PTPRM: variants seen among roughly 807,000 people sequenced by gnomAD.
PTPRM encodes the protein protein tyrosine phosphatase receptor type M.
Under a neutral mutation model 186.7 loss-of-function variants are expected in PTPRM, and 47 were observed. The observed-to-expected ratio is 0.25, with a 90% CI of 0.20 to 0.32. The LOEUF (loss-of-function observed/expected upper bound fraction) is 0.32. PTPRM is among the 10% of genes least tolerant of loss of function. The pLI is 1.00. For synonymous variants in PTPRM, 668 were observed against 674.9 expected (o/e 0.99, Z 0.16); for missense variants, 1,494 against 1,865.0 (o/e 0.80, Z 3.66).
chr18:8,200,550 G>A (rs2093841248), intron 14 of PTPRM, among the ~76,000 whole-genome samples: 1 of 152,192 alleles, frequency 6.6e-6, no homozygotes, highest in African/African-American at 2.4e-5. Context: ...CTCTGTTCTG[G>A]GGAACTGAAC....
At chr18:7,669,325 A>G (rs982140838) in intron 1 of PTPRM, among the ~76,000 whole-genome samples, 2 of 150,928 alleles carry the variant, frequency 1.3e-5, no homozygotes, top group African/African-American at 4.9e-5. Context: ...TACGAGAGCC[A>G]CACATGTGGC....
Position 8,244,176 on chromosome 18 carries a change from TCATTCATGG to T in PTPRM, c.2420_2428del (p.Ser807_Asp810delinsTyr). 6.3e-7 allele frequency: 1 copy of T among 1,594,696 alleles called. No individual in the cohort carries two copies. Among genetic ancestry groups the T allele is most frequent in the South Asian group, 1.2e-5 (1 of 86,570 alleles). On this transcript the variant is annotated inframe_deletion, in exon 15 of 33. Coordinates refer to ENST00000580170, the MANE Select transcript of PTPRM (RefSeq NM_001105244.2). Reference sequence around the variant, plus strand: ...GGGCACAAACTGCGACGAGGCTTTCTCATTCATGGACACGCACAATCTGAATGGGAGATG... The same window carrying T: ...GGGCACAAACTGCGACGAGGCTTTCTACACGCACAATCTGAATGGGAGATG...
chr18:8,377,464 C>G (rs2095703770), intron 26 of PTPRM: 1 of 152,088 alleles, frequency 6.6e-6, no homozygotes. Context: ...TATAGTCAAT[C>G]AAATGTTGCC....
intron 2 of PTPRM, among the ~76,000 whole-genome samples, chr18:7,799,080 T>C (rs1255000779): frequency 6.6e-6 from 1 of 152,326 alleles, no homozygotes; most frequent in African/African-American, 2.4e-5. Context: ...TACCCAAGAC[T>C]GAGTAATTTA....
At chr18:7,852,556 C>T (rs1052984168) in intron 2 of PTPRM, among the ~76,000 whole-genome samples, 1 of 151,910 alleles carries the variant, frequency 6.6e-6, no homozygotes, top group Non-Finnish European at 1.5e-5. Flanking sequence ...GGCATAGTGG[C>T]GGGCGCCTGT....
At chr18:8,227,837 A>G (rs1415935611) in intron 14 of PTPRM, among the ~76,000 whole-genome samples, 6 of 152,204 alleles carry the variant, frequency 3.9e-5, no homozygotes, top group African/African-American at 1.4e-4. Context: ...AGCATAAGCC[A>G]GCTGTGAGTG....
At chr18:8,044,644 C>G (rs761882086) in intron 7 of PTPRM, among the ~76,000 whole-genome samples, 27 of 151,122 alleles carry the variant, frequency 1.8e-4, no homozygotes, top group South Asian at 8.4e-4. Context: ...GTAATCCCAG[C>G]TAATCGGGAG....
intron 23 of PTPRM, among the ~76,000 whole-genome samples, chr18:8,357,259 G>C (rs1057223172): frequency 6.6e-6 from 1 of 152,226 alleles, no homozygotes; most frequent in African/African-American, 2.4e-5. Context: ...GACAAATTCT[G>C]TCAGTGATCC....
At chr18:8,366,095 C>T (rs1034566453) in intron 23 of PTPRM, among the ~76,000 whole-genome samples, 2 of 152,170 alleles carry the variant, frequency 1.3e-5, no homozygotes, top group African/African-American at 4.8e-5. Context: ...CTCCCTCCCC[C>T]CAGCTAAGTG....
At chr18:8,088,662 TA>T (rs2090556162) in intron 10 of PTPRM, 86 bp from the exon 11 acceptor site, 4 of 1,102,086 alleles carry the variant, frequency 3.6e-6, no homozygotes, top group Non-Finnish European at 5.6e-6. Context: ...ACTGTGTTCT[TA>T]ATGCTCTTTG....
intron 14 of PTPRM, among the ~76,000 whole-genome samples, chr18:8,239,693 TG>T (rs1217903249): frequency 2.0e-5 from 3 of 152,216 alleles, no homozygotes; most frequent in African/African-American, 7.2e-5. Context: ...TGGTTTGCCC[TG>T]TAGCCTCAGT....
chr18:8,107,707 A>G (rs1054017691), intron 11 of PTPRM, among the ~76,000 whole-genome samples: 2 of 152,236 alleles, frequency 1.3e-5, no homozygotes, highest in East Asian at 1.9e-4. Context: ...CAGGACAAAG[A>G]GAAATTAAAG....
Position 7,665,422 on chromosome 18 carries a change from C to T in PTPRM, c.73+97531C>T, listed in dbSNP as rs563792188. 3.2e-4 allele frequency among the ~76,000 whole-genome samples: 49 copies of T among 152,222 alleles called. No homozygotes were observed. The South Asian group carries it at 9.8e-3, about 30-fold the overall frequency. On this transcript the variant is annotated intron_variant, in intron 1 of 32. Transcript: ENST00000580170. The stretch of plus-strand genomic sequence containing the variant: ...AAATTTTCATTTACATAGATATATG[C>T]ATTTTACTTATTACCTCGTAAATTT...
chr18:8,093,836 T>C (rs918517604), intron 11 of PTPRM, among the ~76,000 whole-genome samples: 3 of 152,218 alleles, frequency 2.0e-5, no homozygotes, highest in African/African-American at 4.8e-5. Context: ...AATTTCACAA[T>C]GTGCCATGGG....
At chr18:7,735,649 A>G (rs1032739071) in intron 1 of PTPRM, among the ~76,000 whole-genome samples, 2 of 152,188 alleles carry the variant, frequency 1.3e-5, no homozygotes, top group Non-Finnish European at 2.9e-5. Flanking sequence ...AAGAATGTCT[A>G]TTAACATAAC....
At chr18:7,880,057 C>T (rs2048427519) in intron 2 of PTPRM, among the ~76,000 whole-genome samples, 1 of 152,102 alleles carries the variant, frequency 6.6e-6, no homozygotes, top group African/African-American at 2.4e-5. Context: ...CTTATAAAAC[C>T]ATCAGATTTC....
intron 1 of PTPRM, among the ~76,000 whole-genome samples, chr18:7,760,377 A>G (rs2041709604): frequency 6.6e-6 from 1 of 151,526 alleles, no homozygotes; most frequent in Non-Finnish European, 1.5e-5. Flanking sequence ...GTATTGTTAA[A>G]TATTAATTTT....
At chr18:7,838,459 T>C (rs951047344) in intron 2 of PTPRM, among the ~76,000 whole-genome samples, 5 of 152,180 alleles carry the variant, frequency 3.3e-5, no homozygotes, top group Non-Finnish European at 5.9e-5. Context: ...CTGGAAGAAT[T>C]CTCTGGATTA....
At chr18:8,048,332 G>A (rs1048416080) in intron 7 of PTPRM, among the ~76,000 whole-genome samples, 1 of 151,796 alleles carries the variant, frequency 6.6e-6, no homozygotes. Context: ...TTTCAAGTTA[G>A]AACCTGTATT....
Sources: gnomAD v4.1 joint callset for allele counts (sites outside exome capture counted in the v4.1 genomes callset) on GRCh38, gnomAD v4.1.1 for gene constraint, MANE v1.5 for transcripts, NCBI Gene and HGNC (gene_info 2026-07-23, HGNC 2026-07-21) for gene names.